Variants in PM20D1 observed in about 807,000 individuals in gnomAD.
PM20D1 encodes the protein peptidase M20 domain containing 1.
PM20D1 carries 53 observed loss-of-function variants against 53.8 expected under a neutral mutation model. The observed-to-expected ratio is 0.98, with a 90% CI of 0.79 to 1.24. PM20D1 has a LOEUF of 1.24. Among genes scored for constraint, PM20D1 ranks in the 50% most tolerant of loss-of-function variants. The pLI, the probability that PM20D1 is intolerant of heterozygous loss-of-function variation, is 0.00. For synonymous variants in PM20D1, 239 were observed against 241.3 expected, an observed-to-expected ratio of 0.99 and a Z score of 0.09; for missense variants, 564 against 616.8, an observed-to-expected ratio of 0.91 and a Z score of 0.91.
chr1:205,828,259 T>A lies in PM20D1; in HGVS notation c.*361A>T. ...TCTGGAGAAAGCATCCCAGCAAGAG[T>A]GCCCTAAATTAAAGACTCCTATCAG... On this transcript the variant is annotated 3_prime_UTR_variant, in exon 13 of 13. Coordinates refer to ENST00000367136, the MANE Select transcript of PM20D1 (RefSeq NM_152491.5). The A allele has an allele frequency of 5.6e-6, 1 of 177,216 alleles. No individual in the cohort carries two copies. Among genetic ancestry groups the A allele is most frequent in the Non-Finnish European group, 1.2e-5 (1 of 84,264 alleles). 11.0% of individuals were successfully genotyped at this position (177,216 alleles called of 1,614,324 possible). A position where few individuals can be genotyped will look rare whatever the true frequency, so the allele number is the denominator to read the frequency against.
At chr1:205,846,305 G>A (rs1656979182) in intron 2 of PM20D1, among the ~76,000 whole-genome samples, 1 of 151,966 alleles carries the variant, frequency 6.6e-6, no homozygotes, top group Non-Finnish European at 1.5e-5. Context: ...AGAACTGCTT[G>A]AACTCAGGAG....
chr1:205,847,622 T>G (rs982611074), intron 2 of PM20D1, among the ~76,000 whole-genome samples: 4 of 151,682 alleles, frequency 2.6e-5, no homozygotes, highest in Non-Finnish European at 4.4e-5. Flanking sequence ...TTTGATGATT[T>G]AACATTTATT....
chr1:205,841,549 A>G (rs974207761), intron 9 of PM20D1, among the ~76,000 whole-genome samples: 2 of 152,188 alleles, frequency 1.3e-5, no homozygotes, highest in African/African-American at 4.8e-5. Flanking sequence ...TCATTCACTT[A>G]TATACCCGAT....
At position 205,845,487 on chromosome 1, in the gene PM20D1, A is replaced by T; in HGVS notation, c.327T>A (p.Thr109=). 6.2e-7 allele frequency: 1 copy of T among 1,614,242 alleles called. No individual in the cohort carries two copies. Among genetic ancestry groups the T allele is most frequent in the Non-Finnish European group, 8.5e-7 (1 of 1,180,044 alleles). Residue 109 remains threonine, a synonymous_variant, in exon 3 of 13, where the codon ACT becomes ACA. Coordinates refer to ENST00000367136, the MANE Select transcript of PM20D1 (RefSeq NM_152491.5). ...GCAAGCTGGGGTCCGAGCCTTGGAT[A>T]GTGAACAGGTGGCTATACTCTTCCA... ...EVVEEYSHLF[T]IQGSDPSLQP...
At chr1:205,833,830 G>A (rs1371279803) in intron 10 of PM20D1, among the ~76,000 whole-genome samples, 3 of 152,080 alleles carry the variant, frequency 2.0e-5, no homozygotes, top group Non-Finnish European at 2.9e-5. Context: ...CCTGAATGGG[G>A]GTCATTATCT....
intron 5 of PM20D1, 101 bp from the exon 6 acceptor site, chr1:205,843,887 G>A (rs1181314015): frequency 1.2e-5 from 18 of 1,513,730 alleles, no homozygotes; most frequent in African/African-American, 4.2e-5. Flanking sequence ...TGGGCAAGGA[G>A]GTAGCTTCAT....
rs1227477739 is a variant in PM20D1, at chr1:205,844,611, C to G, written c.576+200G>C. 5.3e-5 allele frequency among the ~76,000 whole-genome samples: 8 copies of G among 152,318 alleles called. No individual in the cohort carries two copies. In the East Asian group the frequency reaches 7.7e-4, roughly 15 times the overall value. On this transcript the variant is annotated intron_variant, in intron 4 of 12. Transcript: ENST00000367136. ...ATTATGAAGGAGTTTGTTAAAAATT[C>G]AGATCTAGGGCACAGGGCCCAGGAA...
chr1:205,846,261 T>C (rs544230377), intron 2 of PM20D1, among the ~76,000 whole-genome samples: 102 of 151,932 alleles, frequency 6.7e-4, no homozygotes, highest in South Asian at 2.9e-3. Context: ...TGGCACGTAC[T>C]TGTAATCCCA....
intron 4 of PM20D1, 150 bp downstream of exon 4, chr1:205,844,661 G>T: frequency 3.0e-6 from 2 of 663,478 alleles, no homozygotes; most frequent in Non-Finnish European, 2.5e-6. Flanking sequence ...AAGGTCCTTA[G>T]ATAGTCCTGG....
At position 205,828,412 on chromosome 1, in the gene PM20D1, G is replaced by A; in HGVS notation, c.*208C>T. On this transcript the variant is annotated 3_prime_UTR_variant, in exon 13 of 13. Coordinates refer to ENST00000367136, the MANE Select transcript of PM20D1 (RefSeq NM_152491.5). ...AGCAAATGCCAGTGGATCAAGGGAT[G>A]CAGATGTCGGGAGGAAGGGAGAAGC... is the stretch of plus-strand genomic sequence containing the variant. 1.7e-6 allele frequency: 1 copy of A among 575,350 alleles called. No homozygotes were observed. The highest frequency in any genetic ancestry group is 2.9e-6 in the Non-Finnish European group (1 of 340,532). 35.6% of individuals were successfully genotyped at this position (575,350 alleles called of 1,614,324 possible).
intron 9 of PM20D1, among the ~76,000 whole-genome samples, chr1:205,840,706 T>C (rs1447122016): frequency 3.3e-5 from 5 of 152,194 alleles, no homozygotes; most frequent in Admixed American, 6.5e-5. Context: ...TTAACATTAG[T>C]GCTTACTCAC....
rs1485929282 is a variant in PM20D1 at position 205,840,306 on chromosome 1, T to TG, written c.1061dup (p.Val355SerfsTer29). On this transcript the variant is annotated frameshift_variant, in exon 10 of 13. Transcript: ENST00000367136. LOFTEE classifies it high-confidence loss of function. ...GGAAGTTGACTGTGGCCTGGGCCAC[T>TG]GGGGGGATGACATTGAACTAGAGAG... The TG allele has an allele frequency of 4.5e-5, 73 of 1,613,814 alleles. No homozygotes were observed. Among genetic ancestry groups the TG allele is most frequent in the Non-Finnish European group, 6.1e-5 (72 of 1,179,914 alleles).
chr1:205,842,567 T>A, intron 7 of PM20D1, 109 bp downstream of exon 7: 4 of 1,086,552 alleles, frequency 3.7e-6, no homozygotes, highest in Non-Finnish European at 5.5e-6. Flanking sequence ...TAGGTGAGAA[T>A]AGGCAGAGTG....
At chr1:205,842,038 G>A in intron 8 of PM20D1, 116 bp downstream of exon 8, 1 of 1,201,952 alleles carries the variant, frequency 8.3e-7, no homozygotes, top group South Asian at 1.3e-5. Flanking sequence ...ACTTAGAGAT[G>A]CAGTATCTGG....
At chr1:205,837,669 C>T (rs576733408) in intron 10 of PM20D1, among the ~76,000 whole-genome samples, 23 of 152,244 alleles carry the variant, frequency 1.5e-4, no homozygotes, top group African/African-American at 4.8e-4. Context: ...GGAGGCTTTC[C>T]ATTCCTCACT....
chr1:205,832,685 T>A lies in PM20D1; in HGVS notation c.1198A>T (p.Ser400Cys), dbSNP rs1656586473. The part of the protein sequence containing the change: ...VLSAFDPLPV[S>C]PSDDKALGYQ... The stretch of plus-strand genomic sequence containing the variant: ...CCCAAGGCCTTGTCATCAGAAGGGC[T>A]GACGGGGAGGGGGTCAAAGGCACTC... The change falls in exon 11 of 13, where the codon AGC (serine) becomes TGC (cysteine). Residue 400 changes from serine to cysteine, a missense_variant. Physicochemically the swap from Ser to Cys is moderately radical, Grantham distance 112. Coordinates refer to ENST00000367136, the MANE Select transcript of PM20D1 (RefSeq NM_152491.5). 1 of 1,613,978 alleles carries A rather than the reference T, an allele frequency of 6.2e-7. No homozygotes were observed. Among genetic ancestry groups the A allele is most frequent in the African/African-American group, 1.3e-5 (1 of 74,916 alleles).
rs560663233 is a variant in PM20D1 at position 205,828,583 on chromosome 1, G to A, written c.*37C>T. The A allele has an allele frequency of 1.2e-4, 200 of 1,612,250 alleles. No homozygotes were observed. The highest frequency in any genetic ancestry group is 5.8e-4 in the Admixed American group (35 of 59,956). The stretch of plus-strand genomic sequence containing the variant: ...TTCCCCCTTGGGTTAGTCCTGTCCC[G>A]GGGTCGGGCATGCCTAACCCAGCAG... On this transcript the variant is annotated 3_prime_UTR_variant, in exon 13 of 13. Transcript: ENST00000367136.
intron 10 of PM20D1, among the ~76,000 whole-genome samples, chr1:205,837,519 G>C (rs1488046360): frequency 6.6e-6 from 1 of 152,198 alleles, no homozygotes; most frequent in Non-Finnish European, 1.5e-5. Context: ...GAGAACTCTG[G>C]GGGCGGCCTG....
At chr1:205,842,277 C>T in intron 7 of PM20D1, 62 bp from the exon 8 acceptor site, 1 of 1,447,274 alleles carries the variant, frequency 6.9e-7, no homozygotes, top group Non-Finnish European at 9.7e-7. Flanking sequence ...TCTCTGAGAC[C>T]TGAGTCTCTC....
Sources: allele counts gnomAD v4.1 joint callset (sites outside exome capture counted in the v4.1 genomes callset), GRCh38; gene constraint gnomAD v4.1.1; transcripts MANE v1.5; gene names NCBI Gene and HGNC (gene_info 2026-07-23, HGNC 2026-07-21).